Variants in ADAMTSL1 observed in about 807,000 individuals in gnomAD.
ADAMTSL1 encodes ADAMTS like 1.
Under a neutral mutation model 201.8 loss-of-function variants are expected in ADAMTSL1, and 126 were observed. The observed-to-expected ratio is 0.62, with a 90% CI of 0.54 to 0.72. The LOEUF is 0.72. Among genes scored for constraint, ADAMTSL1 ranks in the 30% least tolerant of loss-of-function variants. The pLI, the probability that ADAMTSL1 is intolerant of heterozygous loss-of-function variation, is 0.00. For synonymous variants in ADAMTSL1, 1,121 were observed against 903.4 expected (o/e 1.24, Z -4.32); for missense variants, 2,679 against 2,277.8 (o/e 1.18, Z -3.59).
chr9:18,217,765 G>A (rs1409207484), intron 2 of ADAMTSL1, among the ~76,000 whole-genome samples: 1 of 152,152 alleles, frequency 6.6e-6, no homozygotes, highest in Admixed American at 6.5e-5. Context: ...TGGCTTCACT[G>A]GCAAATGGAG....
chr9:18,698,344 GA>G (rs1831692420), intron 13 of ADAMTSL1, among the ~76,000 whole-genome samples: 1 of 151,990 alleles, frequency 6.6e-6, no homozygotes, highest in African/African-American at 2.4e-5. Flanking sequence ...GCAGTGGCAT[GA>G]TGATCTCGGC....
chr9:18,364,466 C>T (rs1226589263), intron 2 of ADAMTSL1, among the ~76,000 whole-genome samples: 1 of 152,212 alleles, frequency 6.6e-6, no homozygotes, highest in African/African-American at 2.4e-5. Context: ...AGTTTAATCC[C>T]TTAGCTTAAA....
intron 13 of ADAMTSL1, among the ~76,000 whole-genome samples, chr9:18,696,429 T>TAAGATAACC (rs1243599399): frequency 6.6e-6 from 1 of 152,182 alleles, no homozygotes; most frequent in African/African-American, 2.4e-5. Flanking sequence ...GAAAATGCCG[T>TAAGATAACC]AAGATAACCA....
intron 1 of ADAMTSL1, among the ~76,000 whole-genome samples, chr9:18,029,108 T>G (rs1450758564): frequency 6.6e-6 from 1 of 152,208 alleles, no homozygotes; most frequent in Non-Finnish European, 1.5e-5. Context: ...TGCACATTGA[T>G]TTTATATCCT....
chr9:18,714,085 G>A (rs1832769444), intron 14 of ADAMTSL1, among the ~76,000 whole-genome samples: 2 of 152,118 alleles, frequency 1.3e-5, no homozygotes, highest in South Asian at 4.1e-4. Context: ...GAATCTCTGG[G>A]ACACATTCAA....
At chr9:18,334,524 T>G (rs1184167837) in intron 2 of ADAMTSL1, among the ~76,000 whole-genome samples, 1 of 152,196 alleles carries the variant, frequency 6.6e-6, no homozygotes, top group Non-Finnish European at 1.5e-5. Flanking sequence ...ATTGGCTGGA[T>G]TGTAAATTTA....
chr9:18,274,822 G>C (rs1233591187), intron 2 of ADAMTSL1, among the ~76,000 whole-genome samples: 2 of 152,198 alleles, frequency 1.3e-5, no homozygotes, highest in Non-Finnish European at 2.9e-5. Flanking sequence ...CTGCATTTGA[G>C]ATTGTGTCAG....
At chr9:18,401,056 A>T (rs1401509996) in intron 2 of ADAMTSL1, among the ~76,000 whole-genome samples, 1 of 152,190 alleles carries the variant, frequency 6.6e-6, no homozygotes, top group African/African-American at 2.4e-5. Context: ...AATGGCGAGG[A>T]AATTAAAGTG....
chr9:18,209,055 T>A (rs10963519), intron 2 of ADAMTSL1, among the ~76,000 whole-genome samples: 27,767 of 151,878 alleles, frequency 0.18, 2,669 homozygotes, highest in East Asian at 0.25. Flanking sequence ...TTACCATTTG[T>A]AATTTAGGTT....
In ADAMTSL1 at chr9:18,300,548, C is replaced by T. The variant is rs557951092; in HGVS notation, c.207+136567C>T. ...ATGGGTGCAGCAAACCAGCATGGTA[C>T]ACGTATACCTATGTATCAAAACTGC... On this transcript the variant is annotated intron_variant, in intron 2 of 29. Transcript: ENST00000680146. Among the ~76,000 whole-genome samples, 6 of 152,256 alleles carry T rather than the reference C, an allele frequency of 3.9e-5. No individual in the cohort carries two copies. In the East Asian group the frequency reaches 7.7e-4, roughly 20 times the overall value.
At position 18,855,096 on chromosome 9, in the gene ADAMTSL1, T is replaced by C. The variant is rs539808523; in HGVS notation, c.4249+25119T>C. 5.3e-4 allele frequency among the ~76,000 whole-genome samples: 80 copies of C among 152,264 alleles called. 4 individuals carry two copies. In the South Asian group the frequency reaches 0.016, roughly 30 times the overall value. On this transcript the variant is annotated intron_variant, in intron 23 of 28. Transcript: ENST00000380548. The stretch of plus-strand genomic sequence containing the variant: ...GCCAAGAATTCTGATATCTTGACCA[T>C]CACAGAGCTTACAGATTTGGGTTTT...
chr9:18,297,913 G>C (rs1229181704), intron 2 of ADAMTSL1, among the ~76,000 whole-genome samples: 1 of 152,174 alleles, frequency 6.6e-6, no homozygotes, highest in Non-Finnish European at 1.5e-5. Context: ...TTTGGAGCTG[G>C]GGATGTGATG....
intron 1 of ADAMTSL1, among the ~76,000 whole-genome samples, chr9:18,134,129 A>G (rs1198885027): frequency 1.3e-5 from 2 of 152,202 alleles, no homozygotes; most frequent in Non-Finnish European, 2.9e-5. Context: ...CTAGTTTGGC[A>G]CAGTGCAATT....
At chr9:18,364,965 C>T (rs1267977742) in intron 2 of ADAMTSL1, among the ~76,000 whole-genome samples, 1 of 152,128 alleles carries the variant, frequency 6.6e-6, no homozygotes, top group African/African-American at 2.4e-5. Flanking sequence ...TCCCACCAGG[C>T]CCCACCTCCA....
At chr9:18,883,963 C>T (rs1486676693) in intron 23 of ADAMTSL1, among the ~76,000 whole-genome samples, 2 of 152,092 alleles carry the variant, frequency 1.3e-5, no homozygotes, top group South Asian at 2.1e-4. Context: ...ATATGATAAT[C>T]CTATATTTAA....
chr9:18,349,362 CTGTGTAGCTCTTA>C (rs1835861292), intron 2 of ADAMTSL1, among the ~76,000 whole-genome samples: 1 of 152,176 alleles, frequency 6.6e-6, no homozygotes, highest in Non-Finnish European at 1.5e-5. Context: ...ACGTAGGTAG[CTGTGTAGCTCTTA>C]AGGAAGTTCA....
At chr9:18,245,218 C>A (rs1031771377) in intron 2 of ADAMTSL1, among the ~76,000 whole-genome samples, 1 of 152,004 alleles carries the variant, frequency 6.6e-6, no homozygotes, top group African/African-American at 2.4e-5. Flanking sequence ...ATGCAAGCCA[C>A]ATATGTAATC....
At position 18,882,991 on chromosome 9, in the gene ADAMTSL1, C is replaced by CAA. The variant is rs34408343; in HGVS notation, c.4250-4822_4250-4821dup. ...TGAGCAACAGAATGAGAGCCTGCCT[C>CAA]AAAAAAAAAAAAAAAAAAAGAGGAT... On this transcript the variant is annotated intron_variant, in intron 23 of 28. Coordinates refer to ENST00000380548, the MANE Select transcript of ADAMTSL1 (RefSeq NM_001040272.6). 3.1e-3 allele frequency among the ~76,000 whole-genome samples: 350 copies of CAA among 113,666 alleles called. 6 individuals are homozygous for CAA. The highest frequency in any genetic ancestry group is 8.7e-3 in the Middle Eastern group (2 of 230). The allele number at this position is 113,666 out of a possible 152,430, so 74.6% of individuals were successfully genotyped here. A position where few individuals can be genotyped will look rare whatever the true frequency, so the allele number is the denominator to read the frequency against.
At chr9:18,583,267 C>A (rs1024817297) in intron 4 of ADAMTSL1, among the ~76,000 whole-genome samples, 3 of 152,206 alleles carry the variant, frequency 2.0e-5, no homozygotes, top group African/African-American at 7.2e-5. Flanking sequence ...CCAGCTGCTC[C>A]AGCCATGGCT....
Sources: allele counts gnomAD v4.1 joint callset (sites outside exome capture counted in the v4.1 genomes callset), GRCh38; gene constraint gnomAD v4.1.1; transcripts MANE v1.5; gene names NCBI Gene and HGNC (gene_info 2026-07-23, HGNC 2026-07-21).